Variants in PTGFRN observed in about 807,000 individuals in gnomAD.
The protein encoded by PTGFRN is prostaglandin F2 receptor inhibitor, also known as prostaglandin F2 receptor negative regulator.
In PTGFRN, 35 loss-of-function variants were observed where a neutral mutation model predicts 83.2. The observed-to-expected ratio is 0.42, with a 90% CI of 0.32 to 0.56. The LOEUF (loss-of-function observed/expected upper bound fraction) is 0.56. Ranked by LOEUF, PTGFRN falls within the 20% of genes least tolerant of loss-of-function variation. The pLI is 0.11. For missense variants in PTGFRN, 1,051 were observed against 1,179.5 expected, an observed-to-expected ratio of 0.89 and a Z score of 1.60; for synonymous variants, 519 against 498.6, an observed-to-expected ratio of 1.04 and a Z score of -0.55.
At chr1:116,974,811 G>T (rs903861480) in intron 7 of PTGFRN, among the ~76,000 whole-genome samples, 2 of 152,174 alleles carry the variant, frequency 1.3e-5, no homozygotes, top group Admixed American at 6.5e-5. Flanking sequence ...TGCAGAAGAC[G>T]GGTGATTTCT....
intron 4 of PTGFRN, among the ~76,000 whole-genome samples, chr1:116,951,582 T>G (rs1281529298): frequency 6.6e-6 from 1 of 152,238 alleles, no homozygotes; most frequent in Non-Finnish European, 1.5e-5. Context: ...GCAGTAATGT[T>G]CAACTCCTAG....
intron 7 of PTGFRN, among the ~76,000 whole-genome samples, chr1:116,978,872 G>C (rs575093562): frequency 3.9e-5 from 6 of 152,090 alleles, no homozygotes; most frequent in African/African-American, 1.4e-4. Flanking sequence ...GTTCTGGCCA[G>C]GGCAATCAGG....
At position 116,918,572 on chromosome 1, in the gene PTGFRN, G is replaced by T. The variant is rs1346875161; in HGVS notation, c.49+8320G>T. On this transcript the variant is annotated intron_variant, in intron 1 of 8. Transcript: ENST00000393203. The surrounding 1 kb of genome is among the most constrained non-coding windows in gnomAD (Gnocchi z 4.1). ...AAGTTTAAGAAGCATGTCTGGAGGA[G>T]GTTTGGCATACAAATTACTTGGTAG... 1.3e-5 allele frequency among the ~76,000 whole-genome samples: 2 copies of T among 152,190 alleles called. No individual in the cohort carries two copies. Among genetic ancestry groups the T allele is most frequent in the African/African-American group, 4.8e-5 (2 of 41,450 alleles).
intron 1 of PTGFRN, among the ~76,000 whole-genome samples, chr1:116,913,022 C>T (rs1018984106): frequency 2.0e-5 from 3 of 152,230 alleles, no homozygotes; most frequent in African/African-American, 7.2e-5. Flanking sequence ...CTCAATGTGG[C>T]ATTTCTTGAG....
At chr1:116,983,214 C>CT (rs1238470451) in intron 7 of PTGFRN, among the ~76,000 whole-genome samples, 5 of 152,176 alleles carry the variant, frequency 3.3e-5, no homozygotes, top group Non-Finnish European at 4.4e-5. Flanking sequence ...TTCATTAGTG[C>CT]TGGTGCTGGG....
chr1:116,959,046 C>G lies in PTGFRN; in HGVS notation c.1214-2197C>G, dbSNP rs543025865. On this transcript the variant is annotated intron_variant, in intron 4 of 8. Transcript: ENST00000393203. Reference sequence around the variant, plus strand: ...ATGAGATGGACTTAGTTGTCCTGCTCTGCACCCACATTGCTGCATCCTGAA... The same window carrying G: ...ATGAGATGGACTTAGTTGTCCTGCTGTGCACCCACATTGCTGCATCCTGAA... Among the ~76,000 whole-genome samples, 494 of 152,338 alleles carry G rather than the reference C, an allele frequency of 3.2e-3. 4 individuals are homozygous for G. Among genetic ancestry groups the G allele is most frequent in the African/African-American group, 0.012 (479 of 41,582 alleles).
intron 2 of PTGFRN, among the ~76,000 whole-genome samples, chr1:116,942,917 T>C (rs1469491373): frequency 1.3e-5 from 2 of 152,226 alleles, no homozygotes; most frequent in Admixed American, 1.3e-4. Flanking sequence ...TTAATTACTT[T>C]CCTAAAATCA....
chr1:116,934,877 T>A (rs1649883047), intron 1 of PTGFRN, among the ~76,000 whole-genome samples: 1 of 152,226 alleles, frequency 6.6e-6, no homozygotes, highest in Non-Finnish European at 1.5e-5. Flanking sequence ...GCTTTGAGAC[T>A]GTCTTTTAGT....
At chr1:116,970,796 C>T (rs1248269961) in intron 6 of PTGFRN, among the ~76,000 whole-genome samples, 11 of 152,142 alleles carry the variant, frequency 7.2e-5, no homozygotes, top group Admixed American at 6.5e-4. Context: ...CCTAAAAATC[C>T]GTGACATACC....
intron 1 of PTGFRN, among the ~76,000 whole-genome samples, chr1:116,938,499 C>T (rs2101061457): frequency 6.6e-6 from 1 of 152,298 alleles, no homozygotes; most frequent in East Asian, 1.9e-4. Flanking sequence ...CATCAGATCT[C>T]ACGAGACTTA....
intron 1 of PTGFRN, among the ~76,000 whole-genome samples, chr1:116,934,612 A>G (rs936453203): frequency 1.3e-5 from 2 of 151,912 alleles, no homozygotes; most frequent in Non-Finnish European, 2.9e-5. Context: ...TAAATTAATT[A>G]TAGTTAGTTT....
rs182591393 is a variant in PTGFRN, at chr1:116,988,443, C to G, written c.*1476C>G. The G allele has an allele frequency of 8.5e-5, 13 of 152,834 alleles. No individual in the cohort carries two copies. Among genetic ancestry groups the G allele is most frequent in the African/African-American group, 3.1e-4 (13 of 41,562 alleles). The allele number at this position is 152,834 out of a possible 1,614,324, so 9.5% of individuals were successfully genotyped here. A position where few individuals can be genotyped will look rare whatever the true frequency, so the allele number is the denominator to read the frequency against. On this transcript the variant is annotated 3_prime_UTR_variant, in exon 9 of 9. Coordinates refer to ENST00000393203, the MANE Select transcript of PTGFRN (RefSeq NM_020440.4). Reference sequence around the variant, plus strand: ...CGCCCCCTGCACAGCACTGGCCTTTCGGAAGCATCCCAGTAGGGTTTTCTG... The same window carrying G: ...CGCCCCCTGCACAGCACTGGCCTTTGGGAAGCATCCCAGTAGGGTTTTCTG...
chr1:116,983,126 C>G (rs1271760725), intron 7 of PTGFRN, among the ~76,000 whole-genome samples: 1 of 152,150 alleles, frequency 6.6e-6, no homozygotes, highest in Admixed American at 6.5e-5. Flanking sequence ...AAATTTAACC[C>G]TGGGTTTTGT....
Position 116,961,613 on chromosome 1 carries a change from G to A in PTGFRN, c.1584G>A (p.Trp528Ter). 1 of 1,613,958 alleles carries A rather than the reference G, an allele frequency of 6.2e-7. No individual in the cohort carries two copies. The highest frequency in any genetic ancestry group is 8.5e-7 in the Non-Finnish European group (1 of 1,179,910). ...GGACCAAACAGCGGAACAACAGCTGGGTGAAAAGCAAGGATGTCTTCTCCA... is the reference window on the plus strand; with the variant it reads ...GGACCAAACAGCGGAACAACAGCTGAGTGAAAAGCAAGGATGTCTTCTCCA... ...SAWTKQRNNS[W>*]VKSKDVFSKP... is the part of the protein sequence containing the mutation. Residue 528 changes from tryptophan to a stop codon, truncating the protein, a stop_gained, in exon 5 of 9, where the codon TGG (tryptophan) becomes TGA (stop). Coordinates refer to ENST00000393203, the MANE Select transcript of PTGFRN (RefSeq NM_020440.4). LOFTEE classifies it high-confidence loss of function. This position sits in a 1 kb window ranked among gnomAD's most constrained non-coding sequence, Gnocchi z 5.4.
At chr1:116,926,516 T>C (rs943144709) in intron 1 of PTGFRN, among the ~76,000 whole-genome samples, 7 of 152,246 alleles carry the variant, frequency 4.6e-5, no homozygotes, top group Non-Finnish European at 1.0e-4. Flanking sequence ...TATTGAGTTA[T>C]TTTGGTTAAT....
intron 1 of PTGFRN, among the ~76,000 whole-genome samples, chr1:116,925,008 G>A (rs1649618684): frequency 6.6e-6 from 1 of 152,212 alleles, no homozygotes; most frequent in Admixed American, 6.5e-5. Flanking sequence ...CTGAGGTGGG[G>A]AAGGATCAGG....
chr1:116,945,652 C>T (rs1331268562), intron 3 of PTGFRN, among the ~76,000 whole-genome samples: 2 of 151,730 alleles, frequency 1.3e-5, no homozygotes, highest in African/African-American at 2.4e-5. Flanking sequence ...AGGGCAGGGC[C>T]GCTTCTTGCT....
rs939802587 is a variant in PTGFRN, at chr1:116,990,185, T to G, written c.*3218T>G. ...AGAAAACGCTGACTTTCTTTTTAAG[T>G]GTGGCACATAAGGATCTGCAGAATT... On this transcript the variant is annotated 3_prime_UTR_variant, in exon 9 of 9. Coordinates refer to ENST00000393203, the MANE Select transcript of PTGFRN (RefSeq NM_020440.4). 6.6e-6 allele frequency: 1 copy of G among 152,670 alleles called. No individual in the cohort carries two copies. Among genetic ancestry groups the G allele is most frequent in the African/African-American group, 2.4e-5 (1 of 41,462 alleles). The allele number at this position is 152,670 out of a possible 1,614,324, so 9.5% of individuals were successfully genotyped here.
At position 116,923,125 on chromosome 1, in the gene PTGFRN, C is replaced by T. The variant is rs184048457; in HGVS notation, c.49+12873C>T. Among the ~76,000 whole-genome samples, 180 of 152,274 alleles carry T rather than the reference C, an allele frequency of 1.2e-3. No homozygotes were observed. Among genetic ancestry groups the T allele is most frequent in the African/African-American group, 4.1e-3 (170 of 41,544 alleles). ...TGAGCATTTGTGTGTCTCACCCAAC[C>T]GTAAGCAGCTCGAAAGCAGGATCAT... On this transcript the variant is annotated intron_variant, in intron 1 of 8. Transcript: ENST00000393203. The surrounding 1 kb of genome is among the most constrained non-coding windows in gnomAD (Gnocchi z 4.0).
Sources: gnomAD v4.1 joint callset for allele counts (sites outside exome capture counted in the v4.1 genomes callset) on GRCh38, gnomAD v4.1.1 for gene constraint, Gnocchi (gnomAD v3.1) non-coding constraint, MANE v1.5 for transcripts, NCBI Gene and HGNC (gene_info 2026-07-23, HGNC 2026-07-21) for gene names.